The following CASP5 variants were observed in gnomAD, a reference collection of about 807,000 sequenced individuals.
The protein encoded by CASP5 is caspase 5, also known as caspase-5.
Under a neutral mutation model 45.2 loss-of-function variants are expected in CASP5, and 42 were observed. The ratio of observed to expected loss-of-function variants is 0.93; its 90% confidence interval spans 0.73 to 1.20. The LOEUF (loss-of-function observed/expected upper bound fraction) is 1.20, where lower values mean the gene tolerates loss of function less well. Among genes scored for constraint, CASP5 ranks in the 50% most tolerant of loss-of-function variants. CASP5 has a pLI of 0.00. For synonymous variants in CASP5, 209 were observed against 186.2 expected, an observed-to-expected ratio of 1.12 and a Z score of -1.00; for missense variants, 512 against 532.2, an observed-to-expected ratio of 0.96 and a Z score of 0.37.
chr11:105,012,336 A>C (rs1157911496), intron 1 of CASP5, among the ~76,000 whole-genome samples: 1 of 151,846 alleles, frequency 6.6e-6, no homozygotes, highest in Non-Finnish European at 1.5e-5. Context: ...ACTACTACAC[A>C]AAAACGTGGA....
intron 1 of CASP5, among the ~76,000 whole-genome samples, chr11:105,019,643 C>A (rs192092416): frequency 0.027 from 3,941 of 145,902 alleles, 290 homozygotes; most frequent in African/African-American, 0.092. Context: ...ATAACAGGAT[C>A]TGAAATTGTG....
Position 105,012,191 on chromosome 11 carries a change from T to C in CASP5, c.8-3211A>G, listed in dbSNP as rs192039986. ...AGAACAGACAATAGGCTAAGGACAC[T>C]TTCTTCGATAAATGATGTTGGGAAA... On this transcript the variant is annotated intron_variant, in intron 1 of 9. Transcript: ENST00000260315. Among the ~76,000 whole-genome samples, 1,209 of 151,900 alleles carry C rather than the reference T, an allele frequency of 8.0e-3. 14 individuals carry two copies. Among genetic ancestry groups the C allele is most frequent in the African/African-American group, 0.027 (1,132 of 41,492 alleles).
In CASP5 at chr11:104,997,104, T is replaced by C. The variant is rs182535952; in HGVS notation, c.1206+279A>G. Among the ~76,000 whole-genome samples the C allele has an allele frequency of 1.6e-3, 237 of 152,282 alleles. 1 individual carries two copies. The highest frequency in any genetic ancestry group is 6.8e-3 in the Middle Eastern group (2 of 294). ...TATTCATTTAGTAAATTAACAAAAA[T>C]TATTTCAAAATATTTTCTATTCTCT... is the stretch of plus-strand genomic sequence containing the variant. On this transcript the variant is annotated intron_variant, in intron 8 of 9. Transcript: ENST00000260315.
chr11:105,016,688 C>T, intron 1 of CASP5, among the ~76,000 whole-genome samples: 1 of 152,068 alleles, frequency 6.6e-6, no homozygotes. Context: ...GCTAGCACAG[C>T]AGTCTGAGAT....
At chr11:105,012,450 CT>C (rs1390723063) in intron 1 of CASP5, among the ~76,000 whole-genome samples, 2 of 151,778 alleles carry the variant, frequency 1.3e-5, no homozygotes, top group Non-Finnish European at 3.0e-5. Flanking sequence ...AACTAAAAAG[CT>C]TTTGCAAAGC....
intron 1 of CASP5, among the ~76,000 whole-genome samples, chr11:105,018,417 A>G (rs1248975266): frequency 2.6e-5 from 4 of 152,206 alleles, no homozygotes; most frequent in Non-Finnish European, 4.4e-5. Context: ...CCCATCTCAC[A>G]TGCAGAGACA....
chr11:105,022,024 A>G (rs1281766512), intron 1 of CASP5, among the ~76,000 whole-genome samples: 2 of 151,434 alleles, frequency 1.3e-5, no homozygotes, highest in African/African-American at 4.8e-5. Flanking sequence ...CATGGATGAA[A>G]TTGGAAATCA....
At chr11:105,009,803 A>ATATG (rs1862217287) in intron 1 of CASP5, among the ~76,000 whole-genome samples, 1 of 114,498 alleles carries the variant, frequency 8.7e-6, no homozygotes, top group African/African-American at 4.0e-5. Flanking sequence ...GTATATATAT[A>ATATG]TATACACACA....
intron 3 of CASP5, among the ~76,000 whole-genome samples, chr11:105,005,664 T>G (rs769388391): frequency 3.3e-5 from 5 of 152,128 alleles, no homozygotes; most frequent in Non-Finnish European, 7.4e-5. Context: ...TGCAGCTGCC[T>G]CCTTCTTGCC....
intron 3 of CASP5, among the ~76,000 whole-genome samples, chr11:105,005,079 C>A (rs1479099440): frequency 1.3e-5 from 2 of 152,028 alleles, no homozygotes; most frequent in Non-Finnish European, 2.9e-5. Context: ...ATAGTGCAGT[C>A]TCCTTCCAAA....
At chr11:105,009,739 A>ACG (rs1565387833) in intron 1 of CASP5, among the ~76,000 whole-genome samples, 36 of 66,136 alleles carry the variant, frequency 5.4e-4, no homozygotes, top group African/African-American at 2.9e-3. Context: ...ATATATATAT[A>ACG]TATATATATA....
chr11:104,995,869 A>T, intron 8 of CASP5, 27 bp from the exon 9 acceptor site: 1 of 1,470,766 alleles, frequency 6.8e-7, no homozygotes, highest in Non-Finnish European at 9.5e-7. Flanking sequence ...TAGATGAGAT[A>T]TGAGGGATTT....
At chr11:105,016,366 C>G (rs1429450125) in intron 1 of CASP5, among the ~76,000 whole-genome samples, 2 of 152,086 alleles carry the variant, frequency 1.3e-5, no homozygotes, top group Non-Finnish European at 2.9e-5. Flanking sequence ...GAGCAGAAGA[C>G]GGGTGATTTC....
At chr11:105,000,915 G>A (rs1215652661) in intron 5 of CASP5, among the ~76,000 whole-genome samples, 2 of 152,112 alleles carry the variant, frequency 1.3e-5, no homozygotes, top group African/African-American at 2.4e-5. Flanking sequence ...CTTATACTAT[G>A]TCTGTTCTGC....
chr11:105,009,793 GTATATATATATATACACACACA>G lies in CASP5; in HGVS notation c.8-835_8-814del, dbSNP rs1255861759. Among the ~76,000 whole-genome samples the G allele has an allele frequency of 2.2e-4, 6 of 27,142 alleles. 1 individual carries two copies. Among genetic ancestry groups the G allele is most frequent in the Non-Finnish European group, 4.7e-4 (6 of 12,664 alleles). 17.8% of individuals were successfully genotyped at this position (27,142 alleles called of 152,430 possible). A position where few individuals can be genotyped will look rare whatever the true frequency, so the allele number is the denominator to read the frequency against. On this transcript the variant is annotated intron_variant, in intron 1 of 9. Coordinates refer to ENST00000260315, the MANE Select transcript of CASP5 (RefSeq NM_004347.5). ...CACGTATATATATATATATACACAC[GTATATATATATATACACACACA>G]TATATATATACACATATATATATAC...
intron 8 of CASP5, among the ~76,000 whole-genome samples, chr11:104,997,038 C>A (rs1861499128): frequency 6.6e-6 from 1 of 152,172 alleles, no homozygotes; most frequent in African/African-American, 2.4e-5. Context: ...TCATTTACCC[C>A]TTTGTCATCA....
In CASP5 at chr11:105,008,835, A is replaced by G. The variant is rs2276414; in HGVS notation, c.153T>C (p.Asn51=). 3.7e-5 allele frequency: 60 copies of G among 1,612,778 alleles called. No individual in the cohort carries two copies. In the East Asian group the frequency reaches 8.5e-4, roughly 23 times the overall value. The part of the protein sequence containing the change: ...GQTSIQTLVP[N]TDQKSTSVKK... ...TTACACTGGTCGACTTTTGATCCGT[A>G]TTAGGTACTAGGGTCTGGATAGATG... Residue 51 remains asparagine (N), a synonymous_variant, in exon 2 of 10, where the codon AAT becomes AAC. Coordinates refer to ENST00000260315, the MANE Select transcript of CASP5 (RefSeq NM_004347.5).
At chr11:104,998,763 T>C (rs749714482) in intron 7 of CASP5, 122 bp downstream of exon 7, 3 of 926,416 alleles carry the variant, frequency 3.2e-6, no homozygotes, top group African/African-American at 1.7e-5. Flanking sequence ...ATGCAAAATA[T>C]ATAGAGAGCA....
chr11:104,997,401 T>G lies in CASP5; in HGVS notation c.1188A>C (p.Leu396=). ...CFQKYSCCCH[L]MEIFRKVQKS... The stretch of plus-strand genomic sequence containing the variant: ...AGCTTACCTTCCGAAATATTTCCAT[T>G]AGGTGGCAGCAGCAAGAATATTTCT... Residue 396 remains leucine, a synonymous_variant, in exon 8 of 10, where the codon CTA becomes CTC. Coordinates refer to ENST00000260315, the MANE Select transcript of CASP5 (RefSeq NM_004347.5). The G allele has an allele frequency of 6.2e-7, 1 of 1,609,062 alleles. No homozygotes were observed.
Sources: gnomAD v4.1 joint callset for allele counts (sites outside exome capture counted in the v4.1 genomes callset) on GRCh38, gnomAD v4.1.1 for gene constraint, MANE v1.5 for transcripts, NCBI Gene and HGNC (gene_info 2026-07-23, HGNC 2026-07-21) for gene names.